WWP2: variants seen among roughly 807,000 people sequenced by gnomAD.
WWP2 encodes the protein WW domain containing E3 ubiquitin protein ligase 2, also known as NEDD4-like E3 ubiquitin-protein ligase WWP2.
A neutral mutation model predicts 121.0 loss-of-function variants in WWP2; 57 were observed. That is an observed-to-expected ratio of 0.47 (90% CI 0.38 to 0.59). The LOEUF (loss-of-function observed/expected upper bound fraction) is 0.59, where lower values mean the gene tolerates loss of function less well. Among genes scored for constraint, WWP2 ranks in the 20% least tolerant of loss-of-function variants. WWP2 has a pLI of 0.00. For synonymous variants in WWP2, 449 were observed against 441.3 expected, an observed-to-expected ratio of 1.02 and a Z score of -0.22; for missense variants, 962 against 1,158.9, an observed-to-expected ratio of 0.83 and a Z score of 2.47.
intron 8 of WWP2, among the ~76,000 whole-genome samples, chr16:69,905,204 T>G (rs1179505664): frequency 1.3e-5 from 2 of 152,232 alleles, no homozygotes; most frequent in African/African-American, 4.8e-5. Context: ...TCCTGGATCA[T>G]TCTTAAATAA....
chr16:69,910,487 G>T (rs1301897070), intron 9 of WWP2: 2 of 459,172 alleles, frequency 4.4e-6, no homozygotes, highest in Non-Finnish European at 5.7e-6. Context: ...CCAGCTCACT[G>T]CAACCTCCAC....
intron 6 of WWP2, among the ~76,000 whole-genome samples, chr16:69,844,638 T>C (rs1597041193): frequency 6.6e-6 from 1 of 152,318 alleles, no homozygotes; most frequent in East Asian, 1.9e-4. Flanking sequence ...CACCAGGTCA[T>C]CGGTGTTGCA....
chr16:69,904,960 C>T (rs929925837), intron 8 of WWP2, among the ~76,000 whole-genome samples: 1 of 152,218 alleles, frequency 6.6e-6, no homozygotes, highest in African/African-American at 2.4e-5. Context: ...TAACTTAGTA[C>T]GTAAACCAAC....
intron 4 of WWP2, among the ~76,000 whole-genome samples, chr16:69,837,798 G>A (rs16959260): frequency 0.028 from 4,216 of 152,252 alleles, 104 homozygotes; most frequent in Middle Eastern, 0.037. Flanking sequence ...GCCTTTAGGA[G>A]ATGACCTGGA....
rs57190436 is a variant in WWP2, at chr16:69,920,642, G to A, written c.1179+2759G>A. Among the ~76,000 whole-genome samples the A allele has an allele frequency of 2.8e-3, 418 of 151,830 alleles. 3 individuals are homozygous for A. The highest frequency in any genetic ancestry group is 8.1e-3 in the African/African-American group (335 of 41,378). On this transcript the variant is annotated intron_variant, in intron 10 of 23. Coordinates refer to ENST00000359154, the MANE Select transcript of WWP2 (RefSeq NM_001270454.2). The stretch of plus-strand genomic sequence containing the variant: ...CTCATTAAAAAAAAAAAATGGAACC[G>A]AATGTTGTGGTGCACACCTGTAATT...
At chr16:69,906,753 A>G (rs1050319302) in intron 8 of WWP2, among the ~76,000 whole-genome samples, 7 of 152,090 alleles carry the variant, frequency 4.6e-5, no homozygotes, top group Non-Finnish European at 8.8e-5. Context: ...CGTGGCATGC[A>G]CTTGTTTTCC....
rs77107835 is a variant in WWP2, at chr16:69,776,941, A to C, written c.-15-10055A>C. ...TTCTGTAGTGTTTGTTTAATCTAAA[A>C]CCCTACCTTAGATGGGATTGTTGTA... On this transcript the variant is annotated intron_variant, in intron 1 of 23. Transcript: ENST00000359154. Among the ~76,000 whole-genome samples, 374 of 152,108 alleles carry C rather than the reference A, an allele frequency of 2.5e-3. 8 individuals are homozygous for C. Among genetic ancestry groups the C allele is most frequent in the East Asian group, 0.019 (100 of 5,178 alleles).
chr16:69,930,231 A>C lies in WWP2; in HGVS notation c.1418A>C (p.Lys473Thr). Residue 473 changes from lysine (K) to threonine (T), a missense_variant, in exon 13 of 24, where the codon AAG (lysine) becomes ACG (threonine). This residue lies in a region of WWP2 where 606 missense variants were observed against 772.6 expected (regional missense o/e 0.78). Transcript: ENST00000359154. Reference sequence around the variant, plus strand: ...CACAATACCCGCACCACCACCTTTAAGGATCCTCGCCCGGGGTTTGAGTCG... The same window carrying C: ...CACAATACCCGCACCACCACCTTTACGGATCCTCGCCCGGGGTTTGAGTCG... ...VDHNTRTTTF[K>T]DPRPGFESGT... The C allele has an allele frequency of 6.2e-7, 1 of 1,614,006 alleles. No individual in the cohort carries two copies. The highest frequency in any genetic ancestry group is 2.2e-5 in the East Asian group (1 of 44,872).
rs981774641 is a variant in WWP2 at position 69,937,033 on chromosome 16, C to T, written c.2118-85C>T. ...GGGCTCTGCTGATCTGGTGGTCCTG[C>T]GCGGTAACGGCCACGCGGCCTGGCC... On this transcript the variant is annotated intron_variant, in intron 19 of 23. Coordinates refer to ENST00000359154, the MANE Select transcript of WWP2 (RefSeq NM_001270454.2). The surrounding 1 kb of genome is among the most constrained non-coding windows in gnomAD (Gnocchi z 6.6). 20 of 1,529,660 alleles carry T rather than the reference C, an allele frequency of 1.3e-5. No homozygotes were observed. The highest frequency in any genetic ancestry group is 1.2e-4 in the African/African-American group (9 of 73,178). The allele number at this position is 1,529,660 out of a possible 1,614,324, so 94.8% of individuals were successfully genotyped here.
chr16:69,882,674 G>A (rs2057852914), intron 7 of WWP2, among the ~76,000 whole-genome samples: 1 of 152,158 alleles, frequency 6.6e-6, no homozygotes, highest in South Asian at 2.1e-4. Flanking sequence ...AGGGAAGAAG[G>A]CCGATGTGGG....
rs754311459 is a variant in WWP2, at chr16:69,931,556, G to A, written c.1569G>A (p.Thr523=). 5 of 1,613,466 alleles carry A rather than the reference G, an allele frequency of 3.1e-6. No individual in the cohort carries two copies. The highest frequency in any genetic ancestry group is 1.3e-5 in the African/African-American group (1 of 74,674). The part of the protein sequence containing the change: ...SHVKISVSRQ[T]LFEDSFQQIM... The stretch of plus-strand genomic sequence containing the variant: ...TGAAGATCAGCGTTTCCAGGCAGAC[G>A]CTTTTCGAAGATTCCTTCCAACAGG... Residue 523 remains threonine (T), a synonymous_variant, in exon 15 of 24, where the codon ACG becomes ACA. Coordinates refer to ENST00000359154, the MANE Select transcript of WWP2 (RefSeq NM_001270454.2).
In WWP2 at chr16:69,912,918, CAAAACAAAAAAAAAAAAAA is replaced by C. The variant is rs2058405316; in HGVS notation, c.1004+4073_1004+4091del. Among the ~76,000 whole-genome samples, 31 of 31,808 alleles carry C rather than the reference CAAAACAAAAAAAAAAAAAA, an allele frequency of 9.7e-4. 6 individuals are homozygous for C. The highest frequency in any genetic ancestry group is 6.0e-3 in the East Asian group (6 of 1,002). 20.9% of individuals were successfully genotyped at this position (31,808 alleles called of 152,430 possible). ...GCAACATATGGAGAACCAGTCTCTA[CAAAACAAAAAAAAAAAAAA>C]AAAAAAAAAAAAAAAAAAATATATA... On this transcript the variant is annotated intron_variant, in intron 9 of 23. Transcript: ENST00000359154.
At chr16:69,808,053 A>T (rs1303367953) in intron 4 of WWP2, among the ~76,000 whole-genome samples, 1 of 152,202 alleles carries the variant, frequency 6.6e-6, no homozygotes, top group Non-Finnish European at 1.5e-5. Flanking sequence ...AAGACATAGC[A>T]TATTTCTAGC....
chr16:69,864,227 A>G (rs909795769), intron 6 of WWP2, among the ~76,000 whole-genome samples: 4 of 152,034 alleles, frequency 2.6e-5, no homozygotes. Flanking sequence ...AATGAGCTGG[A>G]CATGGTGGTG....
Position 69,940,094 on chromosome 16 carries a change from T to G in WWP2, c.*154T>G, listed in dbSNP as rs2058859887. ...TCTCGCTGCTGGCAGAAAAGCCTGA[T>G]CCCAGGAGGCCCTGCAGTTCCCCCG... On this transcript the variant is annotated 3_prime_UTR_variant, in exon 24 of 24. Coordinates refer to ENST00000359154, the MANE Select transcript of WWP2 (RefSeq NM_001270454.2). The G allele has an allele frequency of 4.6e-6, 3 of 645,292 alleles. No homozygotes were observed. The South Asian group carries it at 6.1e-5, about 13-fold the overall frequency. 40.0% of individuals were successfully genotyped at this position (645,292 alleles called of 1,614,324 possible). A position where few individuals can be genotyped will look rare whatever the true frequency, so the allele number is the denominator to read the frequency against.
intron 4 of WWP2, among the ~76,000 whole-genome samples, chr16:69,815,634 C>A (rs866775390): frequency 1.3e-4 from 19 of 151,656 alleles, no homozygotes; most frequent in Admixed American, 2.6e-4. Flanking sequence ...TAAAAATACA[C>A]AAATTAGCCG....
At chr16:69,891,223 C>T (rs890977809) in intron 8 of WWP2, among the ~76,000 whole-genome samples, 3 of 152,136 alleles carry the variant, frequency 2.0e-5, no homozygotes, top group African/African-American at 7.2e-5. Context: ...GGCCTGCCAG[C>T]CCCACCCCAG....
At chr16:69,832,984 G>C (rs577828519) in intron 4 of WWP2, among the ~76,000 whole-genome samples, 2 of 152,264 alleles carry the variant, frequency 1.3e-5, no homozygotes, top group African/African-American at 4.8e-5. Context: ...CTCCCATGAA[G>C]GTGGGACCGC....
Position 69,934,043 on chromosome 16 carries a change from A to G in WWP2, c.1756A>G (p.Asn586Asp), listed in dbSNP as rs1324848295. 6.2e-7 allele frequency: 1 copy of G among 1,614,160 alleles called. No individual in the cohort carries two copies. Among genetic ancestry groups the G allele is most frequent in the Non-Finnish European group, 8.5e-7 (1 of 1,180,022 alleles). Residue 586 changes from asparagine to aspartate, a missense_variant, in exon 17 of 24, where the codon AAT becomes GAT. Around this residue, in one of 3 missense-constraint regions of WWP2, gnomAD observed 606 missense variants for 772.6 expected, o/e 0.78. Coordinates refer to ENST00000359154, the MANE Select transcript of WWP2 (RefSeq NM_001270454.2). ...YCLFEYAGKN[N>D]YCLQINPASS... ...TTTATTTGAATATGCCGGAAAGAAC[A>G]ATTACTGCCTGCAGATCAACCCCGC... is the stretch of plus-strand genomic sequence containing the variant.
Sources: gnomAD v4.1 joint callset for allele counts (sites outside exome capture counted in the v4.1 genomes callset) on GRCh38, gnomAD v4.1.1 for gene constraint, gnomAD v4.1.1 regional missense constraint, Gnocchi (gnomAD v3.1) non-coding constraint, MANE v1.5 for transcripts, NCBI Gene and HGNC (gene_info 2026-07-23, HGNC 2026-07-21) for gene names.